The following MGAT4C variants were observed in gnomAD, a reference collection of about 807,000 sequenced individuals.
The protein encoded by MGAT4C is MGAT4 family member C, also known as alpha-1,3-mannosyl-glycoprotein 4-beta-N-acetylglucosaminyltransferase C.
In MGAT4C, 19 loss-of-function variants were observed where a neutral mutation model predicts 40.1. That is an observed-to-expected ratio of 0.47 (90% confidence interval 0.33 to 0.70). The LOEUF (loss-of-function observed/expected upper bound fraction) is 0.70. Ranked by LOEUF, MGAT4C falls within the 30% of genes least tolerant of loss-of-function variation. The pLI is 0.02. For missense variants in MGAT4C, 491 were observed against 563.2 expected (o/e 0.87, Z 1.30); for synonymous variants, 181 against 187.1 (o/e 0.97, Z 0.27).
chr12:86,007,654 CTAAT>C (rs987912741), intron 2 of MGAT4C, among the ~76,000 whole-genome samples: 2 of 151,708 alleles, frequency 1.3e-5, no homozygotes, highest in Non-Finnish European at 2.9e-5. Flanking sequence ...AAACAAAAAA[CTAAT>C]TGGTTTCAAC....
intron 1 of MGAT4C, among the ~76,000 whole-genome samples, chr12:86,168,964 G>A (rs1383820512): frequency 1.3e-5 from 2 of 151,914 alleles, no homozygotes; most frequent in African/African-American, 4.8e-5. Context: ...TGTTTGTATC[G>A]CTTTGTGTAC....
At chr12:86,074,693 A>T (rs945737146) in intron 1 of MGAT4C, among the ~76,000 whole-genome samples, 4 of 152,198 alleles carry the variant, frequency 2.6e-5, no homozygotes, top group Admixed American at 2.6e-4. Context: ...ATGCACTCAC[A>T]GTTCCACGTG....
intron 2 of MGAT4C, among the ~76,000 whole-genome samples, chr12:86,447,172 C>T (rs946334008): frequency 6.6e-6 from 1 of 152,122 alleles, no homozygotes; most frequent in Non-Finnish European, 1.5e-5. Flanking sequence ...GTTGCCCAGG[C>T]TGGAGTGCAA....
chr12:86,604,237 T>G (rs1028675656), intron 2 of MGAT4C, among the ~76,000 whole-genome samples: 2 of 152,122 alleles, frequency 1.3e-5, no homozygotes, highest in Non-Finnish European at 2.9e-5. Context: ...GGAGAACTTC[T>G]TTTGAAATGA....
At chr12:86,758,504 G>A (rs1565969248) in intron 1 of MGAT4C, among the ~76,000 whole-genome samples, 1 of 151,158 alleles carries the variant, frequency 6.6e-6, no homozygotes. Context: ...TTTTGAGAAA[G>A]ATACATGTAT....
chr12:86,418,735 A>T (rs1249617095), intron 3 of MGAT4C, among the ~76,000 whole-genome samples: 3 of 152,150 alleles, frequency 2.0e-5, no homozygotes, highest in African/African-American at 4.8e-5. Context: ...ACTGATTACA[A>T]GGAGTACCAA....
upstream of MGAT4C, among the ~76,000 whole-genome samples, chr12:86,261,067 A>G (rs918951438): frequency 2.0e-5 from 3 of 152,108 alleles, no homozygotes; most frequent in Admixed American, 2.0e-4. Flanking sequence ...AATGGAGCAC[A>G]TGATAAAGTA....
chr12:86,812,608 A>AT (rs1384471744), intron 1 of MGAT4C, among the ~76,000 whole-genome samples: 6 of 152,100 alleles, frequency 3.9e-5, no homozygotes, highest in Non-Finnish European at 5.9e-5. Context: ...CGTATATATT[A>AT]TATATTAATA....
chr12:86,556,254 G>A (rs1959605387), intron 2 of MGAT4C, among the ~76,000 whole-genome samples: 1 of 152,070 alleles, frequency 6.6e-6, no homozygotes, highest in Non-Finnish European at 1.5e-5. Flanking sequence ...AATGAAGGAA[G>A]GAAGGTATGA....
intron 3 of MGAT4C, among the ~76,000 whole-genome samples, chr12:86,410,906 C>A (rs1592809702): frequency 1.3e-5 from 2 of 152,146 alleles, no homozygotes; most frequent in Non-Finnish European, 1.5e-5. Context: ...TCCCACAACA[C>A]CTGGTTGTTT....
intron 3 of MGAT4C, among the ~76,000 whole-genome samples, chr12:86,370,926 C>T (rs956052967): frequency 6.6e-6 from 1 of 151,724 alleles, no homozygotes; most frequent in Non-Finnish European, 1.5e-5. Context: ...TGAGGGGTGG[C>T]CCTTTCAATA....
At chr12:86,379,766 A>C (rs1268391396) in intron 3 of MGAT4C, among the ~76,000 whole-genome samples, 2 of 152,146 alleles carry the variant, frequency 1.3e-5, no homozygotes, top group Non-Finnish European at 2.9e-5. Flanking sequence ...TCTATTACAA[A>C]TTTCAATAAT....
At chr12:86,645,268 G>A (rs1963509841) in intron 2 of MGAT4C, among the ~76,000 whole-genome samples, 2 of 151,602 alleles carry the variant, frequency 1.3e-5, no homozygotes, top group Non-Finnish European at 3.0e-5. Flanking sequence ...GATGGAAGAG[G>A]CTAGCAGGGA....
At chr12:86,567,776 A>G (rs1271571221) in intron 2 of MGAT4C, among the ~76,000 whole-genome samples, 1 of 152,204 alleles carries the variant, frequency 6.6e-6, no homozygotes, top group African/African-American at 2.4e-5. Context: ...TGTGATTGTC[A>G]TGAGTATTTC....
chr12:86,102,230 CT>C (rs1007293215), intron 1 of MGAT4C, among the ~76,000 whole-genome samples: 4 of 151,722 alleles, frequency 2.6e-5, no homozygotes, highest in South Asian at 2.1e-4. Context: ...GGAATGAACA[CT>C]TTTTTTTGTA....
At chr12:86,724,215 AGCAC>A (rs1565949159) in intron 2 of MGAT4C, among the ~76,000 whole-genome samples, 1 of 152,172 alleles carries the variant, frequency 6.6e-6, no homozygotes, top group Non-Finnish European at 1.5e-5. Flanking sequence ...ATGGCAAATG[AGCAC>A]TCCAACACCC....
intron 2 of MGAT4C, among the ~76,000 whole-genome samples, chr12:86,548,403 G>T (rs1242647519): frequency 2.6e-5 from 4 of 152,040 alleles, no homozygotes; most frequent in Non-Finnish European, 4.4e-5. Context: ...GTGAAAATAT[G>T]ACAGTTAACA....
chr12:86,332,209 C>A (rs1954685025), intron 4 of MGAT4C, among the ~76,000 whole-genome samples: 1 of 151,998 alleles, frequency 6.6e-6, no homozygotes, highest in African/African-American at 2.4e-5. Context: ...AGACTTTTGT[C>A]ACGGCATGCT....
chr12:85,981,365 TG>T (rs1429600053), intron 4 of MGAT4C, among the ~76,000 whole-genome samples: 1 of 152,160 alleles, frequency 6.6e-6, no homozygotes, highest in Non-Finnish European at 1.5e-5. Flanking sequence ...ATTTAGAAAA[TG>T]GGGAAATCTA....
Sources: gnomAD v4.1 joint callset for allele counts (sites outside exome capture counted in the v4.1 genomes callset) on GRCh38, gnomAD v4.1.1 for gene constraint, MANE v1.5 for transcripts, NCBI Gene and HGNC (gene_info 2026-07-23, HGNC 2026-07-21) for gene names.